CDKN2B-AS1: variants seen among roughly 807,000 people sequenced by gnomAD.
CDKN2B-AS1 encodes CDKN2B and CDKN2A antisense cis and trans regulatory RNA 1.
At chr9:22,088,532 T>A (rs1400419757) in intron 4 of CDKN2B-AS1, among the ~76,000 whole-genome samples, 3 of 152,200 alleles carry the variant, frequency 2.0e-5, no homozygotes, top group African/African-American at 7.2e-5. Context: ...CTGTATATTT[T>A]ACATGTGTTC....
At chr9:22,007,481 A>G (rs1256109571) in intron 1 of CDKN2B-AS1, among the ~76,000 whole-genome samples, 1 of 152,250 alleles carries the variant, frequency 6.6e-6, no homozygotes, top group Non-Finnish European at 1.5e-5. Context: ...ATTTGTGTAC[A>G]TGAACATTAT....
At chr9:22,113,666 G>C (rs1825861359) in intron 4 of CDKN2B-AS1, 1 of 152,044 alleles carries the variant, frequency 6.6e-6, no homozygotes, top group Admixed American at 6.6e-5. Context: ...TGCCTCACAG[G>C]ATCTTAACAT....
At chr9:22,104,977 G>T (rs564767402) in intron 4 of CDKN2B-AS1, among the ~76,000 whole-genome samples, 1 of 152,130 alleles carries the variant, frequency 6.6e-6, no homozygotes, top group East Asian at 1.9e-4. Flanking sequence ...AGGAAATAGG[G>T]GTCTATAGAG....
chr9:22,083,678 G>C (rs1025048790), intron 4 of CDKN2B-AS1, among the ~76,000 whole-genome samples: 1 of 152,216 alleles, frequency 6.6e-6, no homozygotes, highest in African/African-American at 2.4e-5. Flanking sequence ...TTGGGGTGGA[G>C]AATGAGAGAA....
intron 3 of CDKN2B-AS1, among the ~76,000 whole-genome samples, chr9:22,052,830 G>A (rs1823409671): frequency 1.3e-5 from 2 of 151,984 alleles, no homozygotes; most frequent in African/African-American, 2.4e-5. Context: ...CCCCTCCCAG[G>A]TTCTTGTATG....
chr9:22,037,902 AG>A (rs899171748), intron 1 of CDKN2B-AS1, among the ~76,000 whole-genome samples: 2 of 152,068 alleles, frequency 1.3e-5, no homozygotes, highest in African/African-American at 4.8e-5. Context: ...TTTCATATTT[AG>A]GGGAAAATGA....
intron 1 of CDKN2B-AS1, among the ~76,000 whole-genome samples, chr9:22,037,699 A>T (rs943652107): frequency 6.6e-6 from 1 of 152,014 alleles, no homozygotes; most frequent in Non-Finnish European, 1.5e-5. Context: ...AGGGTAGTGG[A>T]GATTGGGGGG....
At chr9:22,068,081 T>TA (rs1229022981) in intron 4 of CDKN2B-AS1, among the ~76,000 whole-genome samples, 1 of 152,186 alleles carries the variant, frequency 6.6e-6, no homozygotes, top group Non-Finnish European at 1.5e-5. Context: ...AAGAGGGGCT[T>TA]ACTCTACACT....
chr9:22,075,648 T>G (rs77719793), intron 4 of CDKN2B-AS1, among the ~76,000 whole-genome samples: 2 of 152,264 alleles, frequency 1.3e-5, no homozygotes, highest in Non-Finnish European at 2.9e-5. Flanking sequence ...GGCTTTCAAG[T>G]GCATGTAACT....
At chr9:22,116,072 T>G (rs1537375) in intron 4 of CDKN2B-AS1, among the ~76,000 whole-genome samples, 1 of 152,102 alleles carries the variant, frequency 6.6e-6, no homozygotes, top group African/African-American at 2.4e-5. Context: ...TTAGCTTCTT[T>G]ATCTCTTTCC....
intron 1 of CDKN2B-AS1, among the ~76,000 whole-genome samples, chr9:22,038,986 A>C (rs1159225085): frequency 1.3e-5 from 2 of 151,988 alleles, no homozygotes; most frequent in African/African-American, 4.8e-5. Context: ...CATTTATCTG[A>C]GAAAATTTCC....
intron 1 of CDKN2B-AS1, among the ~76,000 whole-genome samples, chr9:22,013,798 T>C (rs1821619584): frequency 6.6e-6 from 1 of 152,174 alleles, no homozygotes; most frequent in Non-Finnish European, 1.5e-5. Flanking sequence ...CCTTCTTTTT[T>C]TTTCTTTCAA....
In CDKN2B-AS1 at chr9:21,995,842, G is replaced by A. The variant is rs1273745478; in HGVS notation, n.29+681G>A. On this transcript the variant is annotated intron_variant and non_coding_transcript_variant, in intron 1 of 4. Transcript: ENST00000650946. This position sits in a 1 kb window ranked among gnomAD's most constrained non-coding sequence, Gnocchi z 5.7. ...GACGCCGCCTTCAGGCCGGCGCGCT[G>A]ACCCGGTGCCCCGACCCGGAGCCTG... 6.6e-6 allele frequency: 1 copy of A among 152,292 alleles called. No homozygotes were observed. Among genetic ancestry groups the A allele is most frequent in the African/African-American group, 2.4e-5 (1 of 41,464 alleles). 9.4% of individuals were successfully genotyped at this position (152,292 alleles called of 1,614,324 possible). A position where few individuals can be genotyped will look rare whatever the true frequency, so the allele number is the denominator to read the frequency against.
chr9:22,023,571 TAAAAATACC>T lies in CDKN2B-AS1; in HGVS notation n.30-23174_30-23166del, dbSNP rs200353383. Among the ~76,000 whole-genome samples, 444 of 151,722 alleles carry T rather than the reference TAAAAATACC, an allele frequency of 2.9e-3. 1 individual carries two copies. The highest frequency in any genetic ancestry group is 0.01 in the African/African-American group (422 of 41,334). Reference sequence around the variant, plus strand: ...TAATGTGGTGAAACCCCACCTCTACTAAAAATACCAAAAAAAAAAATCATAGCTGGGCAT... The same window carrying T: ...TAATGTGGTGAAACCCCACCTCTACTAAAAAAAAAAATCATAGCTGGGCAT... On this transcript the variant is annotated intron_variant and non_coding_transcript_variant, in intron 1 of 4. Transcript: ENST00000650946.
intron 1 of CDKN2B-AS1, among the ~76,000 whole-genome samples, chr9:22,034,762 TG>T (rs1822616904): frequency 6.6e-6 from 1 of 152,166 alleles, no homozygotes; most frequent in South Asian, 2.1e-4. Flanking sequence ...TACTCATCTC[TG>T]CTGTTGTAAT....
intron 4 of CDKN2B-AS1, among the ~76,000 whole-genome samples, chr9:22,080,932 G>T (rs1013199774): frequency 6.6e-6 from 1 of 152,278 alleles, no homozygotes; most frequent in South Asian, 2.1e-4. Flanking sequence ...TTTTTTGCAT[G>T]AGAATTAGCC....
intron 4 of CDKN2B-AS1, among the ~76,000 whole-genome samples, chr9:22,062,504 A>G (rs2131300523): frequency 6.6e-6 from 1 of 152,314 alleles, no homozygotes; most frequent in Non-Finnish European, 1.5e-5. Flanking sequence ...TTTTAGAGCC[A>G]GGGCTGTGGG....
intron 4 of CDKN2B-AS1, among the ~76,000 whole-genome samples, chr9:22,095,465 A>G (rs1825241681): frequency 6.8e-6 from 1 of 147,872 alleles, no homozygotes; most frequent in Non-Finnish European, 1.5e-5. Context: ...GTTTGTTATA[A>G]TTTCTGTTCT....
chr9:22,051,279 C>T (rs995439971), intron 3 of CDKN2B-AS1, among the ~76,000 whole-genome samples: 1 of 152,154 alleles, frequency 6.6e-6, no homozygotes, highest in African/African-American at 2.4e-5. Flanking sequence ...TTTTTAAACC[C>T]GAGTAGCACT....
Sources: allele counts gnomAD v4.1 joint callset (sites outside exome capture counted in the v4.1 genomes callset), GRCh38; gene constraint gnomAD v4.1.1; non-coding constraint Gnocchi (gnomAD v3.1); transcripts MANE v1.5; gene names NCBI Gene and HGNC (gene_info 2026-07-23, HGNC 2026-07-21).